PREX2: variants seen among roughly 807,000 people sequenced by gnomAD.
PREX2 encodes phosphatidylinositol-3,4,5-trisphosphate dependent Rac exchange factor 2.
A neutral mutation model predicts 203.2 loss-of-function variants in PREX2; 107 were observed. The ratio of observed to expected loss-of-function variants is 0.53; its 90% CI spans 0.45 to 0.62. PREX2 has a LOEUF of 0.62. Ranked by LOEUF, PREX2 falls within the 20% of genes least tolerant of loss-of-function variation. The pLI is 0.00. For missense variants in PREX2, 1,777 were observed against 1,955.9 expected (o/e 0.91, Z 1.72); for synonymous variants, 672 against 663.6 (o/e 1.01, Z -0.19).
chr8:67,955,500 C>T lies in PREX2; in HGVS notation c.141+2965C>T, dbSNP rs147882919. ...TCCTTTTGTACCTGGTGGATTCCTA[C>T]TGGGCTTTCAAGGCTCAGTTAGCCC... On this transcript the variant is annotated intron_variant, in intron 1 of 39. Coordinates refer to ENST00000288368, the MANE Select transcript of PREX2 (RefSeq NM_024870.4). Among the ~76,000 whole-genome samples, 38 of 152,350 alleles carry T rather than the reference C, an allele frequency of 2.5e-4. 1 individual carries two copies. The East Asian group carries it at 7.3e-3, about 29-fold the overall frequency.
At chr8:68,226,470 G>A (rs187264543) in intron 39 of PREX2, among the ~76,000 whole-genome samples, 1 of 152,274 alleles carries the variant, frequency 6.6e-6, no homozygotes, top group African/African-American at 2.4e-5. Context: ...TGGCAGTCAA[G>A]GTAAGGCCAT....
intron 6 of PREX2, among the ~76,000 whole-genome samples, chr8:68,036,210 C>T (rs1471134419): frequency 6.6e-6 from 1 of 152,056 alleles, no homozygotes; most frequent in Non-Finnish European, 1.5e-5. Flanking sequence ...GGAAAAAGAC[C>T]TAGCGGTTTG....
chr8:68,035,103 G>GTT (rs1480845419), intron 6 of PREX2, among the ~76,000 whole-genome samples: 3 of 152,080 alleles, frequency 2.0e-5, no homozygotes, highest in Admixed American at 2.0e-4. Flanking sequence ...TATAATTTTA[G>GTT]TTAATAGTTT....
At chr8:68,171,446 C>G (rs2129614238) in intron 35 of PREX2, among the ~76,000 whole-genome samples, 1 of 151,922 alleles carries the variant, frequency 6.6e-6, no homozygotes, top group African/African-American at 2.4e-5. Context: ...GATAGTGTAT[C>G]TATGAAATGT....
chr8:68,208,211 AT>A (rs1204557887), intron 37 of PREX2, among the ~76,000 whole-genome samples: 5 of 152,196 alleles, frequency 3.3e-5, no homozygotes, highest in Non-Finnish European at 7.3e-5. Context: ...AAAATATGAA[AT>A]TAATAGGCAT....
At chr8:68,212,637 A>AT (rs1305057278) in intron 37 of PREX2, among the ~76,000 whole-genome samples, 1 of 152,130 alleles carries the variant, frequency 6.6e-6, no homozygotes, top group Non-Finnish European at 1.5e-5. Context: ...ACTTCTGTAC[A>AT]TTTTTTCTCC....
Position 67,952,362 on chromosome 8 carries a change from C to A in PREX2, c.-33C>A. On this transcript the variant is annotated 5_prime_UTR_variant, in exon 1 of 40. Coordinates refer to ENST00000288368, the MANE Select transcript of PREX2 (RefSeq NM_024870.4). The stretch of plus-strand genomic sequence containing the variant: ...GCGCGCGGGTCAGCGCTCAGCACGG[C>A]GGGCAGCGCCGCGCTGCGCACCGCC... 1 of 1,488,964 alleles carries A rather than the reference C, an allele frequency of 6.7e-7. No individual in the cohort carries two copies. Among genetic ancestry groups the A allele is most frequent in the African/African-American group, 1.5e-5 (1 of 67,584 alleles). 92.2% of individuals were successfully genotyped at this position (1,488,964 alleles called of 1,614,324 possible).
chr8:68,047,486 T>TATATATATATATATATAC (rs1554570845), intron 8 of PREX2, among the ~76,000 whole-genome samples: 5 of 103,560 alleles, frequency 4.8e-5, no homozygotes, highest in African/African-American at 3.2e-4. Context: ...TATATATATA[T>TATATATATATATATATAC]ATATATATAT....
chr8:68,101,433 G>A (rs1432031512), intron 23 of PREX2: 14 of 518,762 alleles, frequency 2.7e-5, no homozygotes, highest in Non-Finnish European at 5.4e-5. Context: ...CAGGGTTGCT[G>A]GTTACCTGCC....
At chr8:68,123,575 A>G (rs979616239) in intron 30 of PREX2, among the ~76,000 whole-genome samples, 4 of 152,072 alleles carry the variant, frequency 2.6e-5, no homozygotes, top group Non-Finnish European at 4.4e-5. Context: ...CCCCACAGAA[A>G]TACACATAAC....
In PREX2 at chr8:68,085,628, G is replaced by C. The variant is rs190895361; in HGVS notation, c.2028-2096G>C. 4.1e-3 allele frequency among the ~76,000 whole-genome samples: 624 copies of C among 152,204 alleles called. 6 individuals are homozygous for C. Among genetic ancestry groups the C allele is most frequent in the African/African-American group, 0.015 (605 of 41,536 alleles). Reference sequence around the variant, plus strand: ...ATTTTCTGTAGGAAATAGAACATCCGTCTTGTATAAACGTAATTCTTTTTT... The same window carrying C: ...ATTTTCTGTAGGAAATAGAACATCCCTCTTGTATAAACGTAATTCTTTTTT... On this transcript the variant is annotated intron_variant, in intron 18 of 39. Transcript: ENST00000288368.
At chr8:68,048,373 A>T (rs150867119) in intron 8 of PREX2, among the ~76,000 whole-genome samples, 32 of 152,144 alleles carry the variant, frequency 2.1e-4, no homozygotes, top group African/African-American at 7.5e-4. Context: ...CTATGGTAGG[A>T]CAGAGGGCAA....
rs771859071 is a variant in PREX2 at position 68,138,506 on chromosome 8, C to G, written c.4076C>G (p.Pro1359Arg). The G allele has an allele frequency of 6.3e-7, 1 of 1,575,854 alleles. No individual in the cohort carries two copies. The highest frequency in any genetic ancestry group is 2.3e-5 in the East Asian group (1 of 44,148). The change falls in exon 33 of 40, where the codon CCT becomes CGT. Residue 1359 changes from proline to arginine, a missense_variant. Coordinates refer to ENST00000288368, the MANE Select transcript of PREX2 (RefSeq NM_024870.4). ...TACTTTAAACCATCAGAAGAGGAAC[C>G]TCTGGTTGCAAGTAAGTAATTAGGT... ...SFYFKPSEEEPLVANVPLTYQ... is the reference protein window; with the variant it reads ...SFYFKPSEEERLVANVPLTYQ...
At chr8:68,117,785 T>A (rs1238386324) in intron 26 of PREX2, among the ~76,000 whole-genome samples, 1 of 152,150 alleles carries the variant, frequency 6.6e-6, no homozygotes, top group Non-Finnish European at 1.5e-5. Flanking sequence ...TGCTAAAAGC[T>A]CTGAGGTGGA....
intron 31 of PREX2, among the ~76,000 whole-genome samples, chr8:68,128,180 T>C (rs1810934480): frequency 6.6e-6 from 1 of 152,230 alleles, no homozygotes; most frequent in Admixed American, 6.5e-5. Context: ...TGTGCGTCTC[T>C]TTCTGTAGAT....
intron 1 of PREX2, among the ~76,000 whole-genome samples, chr8:67,976,680 ACAG>A (rs1290740756): frequency 5.9e-5 from 5 of 84,902 alleles, no homozygotes; most frequent in Non-Finnish European, 1.0e-4. Context: ...AGAGAGAGAG[ACAG>A]GAGAGAGACA....
intron 31 of PREX2, among the ~76,000 whole-genome samples, chr8:68,128,178 T>C (rs1488052128): frequency 6.6e-6 from 1 of 152,226 alleles, no homozygotes; most frequent in African/African-American, 2.4e-5. Flanking sequence ...GCTGTGCGTC[T>C]CTTTCTGTAG....
intron 28 of PREX2, 41 bp from the exon 29 acceptor site, chr8:68,120,155 C>T: frequency 1.6e-6 from 2 of 1,282,928 alleles, no homozygotes; most frequent in Middle Eastern, 1.8e-4. Flanking sequence ...GTATCATGTA[C>T]TATGAGAAAT....
In PREX2 at chr8:67,952,315, G is replaced by T; in HGVS notation, c.-80G>T. On this transcript the variant is annotated 5_prime_UTR_variant, in exon 1 of 40. Transcript: ENST00000288368. ...GAGGCGGCAACTTTCCATTCTCGCC[G>T]CCGGGGGCCGGGCAGCAGCGGGCGC... is the stretch of plus-strand genomic sequence containing the variant. The T allele has an allele frequency of 8.1e-7, 1 of 1,240,092 alleles. No homozygotes were observed. The highest frequency in any genetic ancestry group is 1.0e-6 in the Non-Finnish European group (1 of 975,216). The allele number at this position is 1,240,092 out of a possible 1,614,324, so 76.8% of individuals were successfully genotyped here. A position where few individuals can be genotyped will look rare whatever the true frequency, so the allele number is the denominator to read the frequency against.
Sources: gnomAD v4.1 joint callset for allele counts (sites outside exome capture counted in the v4.1 genomes callset) on GRCh38, gnomAD v4.1.1 for gene constraint, MANE v1.5 for transcripts, NCBI Gene and HGNC (gene_info 2026-07-23, HGNC 2026-07-21) for gene names.